The following VCAN variants were observed in gnomAD, a reference collection of about 807,000 sequenced individuals.
VCAN encodes versican.
Under a neutral mutation model 245.5 loss-of-function variants are expected in VCAN, and 44 were observed. The observed-to-expected ratio is 0.18, with a 90% CI of 0.14 to 0.23. The LOEUF (loss-of-function observed/expected upper bound fraction) is 0.23, where lower values mean the gene tolerates loss of function less well. VCAN is among the 10% of genes least tolerant of loss of function. The pLI, the probability that VCAN is intolerant of heterozygous loss-of-function variation, is 1.00. For synonymous variants in VCAN, 1,413 were observed against 1,437.0 expected (o/e 0.98, Z 0.38); for missense variants, 3,793 against 4,057.9 (o/e 0.93, Z 1.77).
chr5:83,553,448 C>G lies in VCAN; in HGVS notation c.9578C>G (p.Ala3193Gly). 1.9e-6 allele frequency: 3 copies of G among 1,614,104 alleles called. No individual in the cohort carries two copies. Among genetic ancestry groups the G allele is most frequent in the Non-Finnish European group, 2.5e-6 (3 of 1,179,980 alleles). ...GCCCATCGACGCACATGGGATGCAG[C>G]TGAACGGGAATGCCGTCTGCAGGGT... ...YFAHRRTWDA[A>G]ERECRLQGAH... The change falls in exon 11 of 15, where the codon GCT (alanine) becomes GGT (glycine). Residue 3193 changes from alanine to glycine, a missense_variant. By Grantham distance (60) the Ala-to-Gly change is moderately conservative (BLOSUM62 0). Transcript: ENST00000265077.
intron 2 of VCAN, among the ~76,000 whole-genome samples, chr5:83,483,889 A>G (rs1251350920): frequency 6.6e-6 from 1 of 152,176 alleles, no homozygotes; most frequent in Non-Finnish European, 1.5e-5. Context: ...TTCTAACACT[A>G]TTTCTCAAAA....
chr5:83,580,571 G>A lies in VCAN; in HGVS notation c.*137G>A. ...CCGTTCAGTCATTTTGGGTTGCCGT[G>A]CTCCCAAAACATTTTAAATGAAAGT... is the stretch of plus-strand genomic sequence containing the variant. On this transcript the variant is annotated 3_prime_UTR_variant, in exon 15 of 15. Coordinates refer to ENST00000265077, the MANE Select transcript of VCAN (RefSeq NM_004385.5). 7.7e-7 allele frequency: 1 copy of A among 1,301,726 alleles called. No individual in the cohort carries two copies. Among genetic ancestry groups the A allele is most frequent in the Non-Finnish European group, 1.1e-6 (1 of 924,874 alleles). 80.6% of individuals were successfully genotyped at this position (1,301,726 alleles called of 1,614,324 possible).
intron 5 of VCAN, 80 bp downstream of exon 5, chr5:83,494,011 G>A (rs1745074596): frequency 6.2e-7 from 1 of 1,605,432 alleles, no homozygotes; most frequent in African/African-American, 1.3e-5. Flanking sequence ...AATAGAGCAA[G>A]TCTTCGTGCT....
At chr5:83,554,103 T>C (rs1747573665) in intron 11 of VCAN, among the ~76,000 whole-genome samples, 1 of 152,240 alleles carries the variant, frequency 6.6e-6, no homozygotes, top group Non-Finnish European at 1.5e-5. Context: ...GTTTAATAAC[T>C]CCTTCAACTG....
intron 9 of VCAN, among the ~76,000 whole-genome samples, chr5:83,547,491 C>A (rs1037102530): frequency 3.3e-5 from 5 of 152,174 alleles, no homozygotes; most frequent in South Asian, 2.1e-4. Context: ...AAAAAGATGA[C>A]ATTTAGCAGA....
chr5:83,521,185 C>A lies in VCAN; in HGVS notation c.2879C>A (p.Thr960Asn), dbSNP rs147544404. ...TTAGCATTTGTTAGTTATAGTAGCACCCAAGAGCCTACTACTTATGTAGAC... is the reference window on the plus strand; with the variant it reads ...TTAGCATTTGTTAGTTATAGTAGCAACCAAGAGCCTACTACTTATGTAGAC... Reference protein sequence around the residue: ...EGLAFVSYSSTQEPTTYVDSS... With the variant: ...EGLAFVSYSSNQEPTTYVDSS... Residue 960 changes from threonine to asparagine, a missense_variant, in exon 7 of 15, where the codon ACC becomes AAC. By Grantham distance (65) the Thr-to-Asn change is moderately conservative. This residue lies in a region of VCAN where 3,182 missense variants were observed against 3,250.3 expected (regional missense o/e 0.98). Transcript: ENST00000265077. The A allele has an allele frequency of 1.3e-5, 21 of 1,613,492 alleles. No individual in the cohort carries two copies. Among genetic ancestry groups the A allele is most frequent in the Non-Finnish European group, 1.6e-5 (19 of 1,179,546 alleles).
At chr5:83,515,350 G>A (rs971880761) in intron 6 of VCAN, among the ~76,000 whole-genome samples, 1 of 152,212 alleles carries the variant, frequency 6.6e-6, no homozygotes, top group African/African-American at 2.4e-5. Context: ...CACAGAATGT[G>A]ATTAATTATC....
intron 6 of VCAN, among the ~76,000 whole-genome samples, chr5:83,514,255 A>G (rs1580621309): frequency 6.7e-6 from 1 of 150,264 alleles, no homozygotes; most frequent in Non-Finnish European, 1.5e-5. Flanking sequence ...CCACCTAAGC[A>G]TGTGGCTAGA....
At chr5:83,532,156 A>T (rs1024959122) in intron 7 of VCAN, among the ~76,000 whole-genome samples, 8 of 151,942 alleles carry the variant, frequency 5.3e-5, no homozygotes, top group Non-Finnish European at 1.0e-4. Context: ...GCACAGGTGT[A>T]CCCCCCAACC....
chr5:83,526,260 A>G (rs1746297253), intron 7 of VCAN, among the ~76,000 whole-genome samples: 1 of 152,190 alleles, frequency 6.6e-6, no homozygotes, highest in South Asian at 2.1e-4. Context: ...TTTAAAAGGT[A>G]ATGTTTATTT....
intron 13 of VCAN, among the ~76,000 whole-genome samples, chr5:83,574,557 G>A (rs1748406530): frequency 6.6e-6 from 1 of 152,086 alleles, no homozygotes; most frequent in Non-Finnish European, 1.5e-5. Context: ...TTATGATTTT[G>A]GGGACTTTAG....
chr5:83,571,312 A>G (rs1580078121), intron 12 of VCAN, among the ~76,000 whole-genome samples: 1 of 152,208 alleles, frequency 6.6e-6, no homozygotes. Flanking sequence ...TGTTTTTTAC[A>G]TAATTATTGT....
chr5:83,580,003 G>C lies in VCAN; in HGVS notation c.9904G>C (p.Val3302Leu). Residue 3302 changes from valine to leucine, a missense_variant, in exon 14 of 15, where the codon GTA becomes CTA. Physicochemically the swap from Val to Leu is conservative, Grantham distance 32 (BLOSUM62 1). Coordinates refer to ENST00000265077, the MANE Select transcript of VCAN (RefSeq NM_004385.5). ...GTVACGQPPV[V>L]ENAKTFGKMK... is the part of the protein sequence containing the mutation. ...AGTCGCTTGCGGCCAGCCCCCTGTT[G>C]TAGAAAATGCCAAGACCTTTGGAAA... The C allele has an allele frequency of 6.2e-7, 1 of 1,614,056 alleles. No individual in the cohort carries two copies. The highest frequency in any genetic ancestry group is 1.7e-5 in the Admixed American group (1 of 60,000).
rs143128206 is a variant in VCAN, at chr5:83,519,369, G to T, written c.1063G>T (p.Asp355Tyr). Residue 355 changes from aspartate (D) to tyrosine (Y), a missense_variant, in exon 7 of 15, where the codon GAT becomes TAT. Asp to Tyr is a radical substitution (Grantham distance 160). Transcript: ENST00000265077. ...CFKPKEATTIDLSILAETASP... is the reference protein window; with the variant it reads ...CFKPKEATTIYLSILAETASP... The stretch of plus-strand genomic sequence containing the variant: ...TCTAGCTAAAGAGGCTACAACCATC[G>T]ATTTGAGTATCCTCGCAGAAACTGC... The T allele has an allele frequency of 1.2e-6, 2 of 1,613,918 alleles. No individual in the cohort carries two copies. The highest frequency in any genetic ancestry group is 1.7e-4 in the Middle Eastern group (1 of 6,060).
Position 83,520,639 on chromosome 5 carries a change from A to C in VCAN, c.2333A>C (p.Lys778Thr). 6.2e-7 allele frequency: 1 copy of C among 1,614,028 alleles called. No homozygotes were observed. The highest frequency in any genetic ancestry group is 2.2e-5 in the East Asian group (1 of 44,874). The change falls in exon 7 of 15, where the codon AAA (lysine) becomes ACA (threonine). Residue 778 changes from lysine to threonine, a missense_variant. Physicochemically the swap from Lys to Thr is moderately conservative, Grantham distance 78. This residue lies in a region of VCAN where 3,182 missense variants were observed against 3,250.3 expected (regional missense o/e 0.98). Transcript: ENST00000265077. ...EDFTATPGTTKYDENITTVLL... is the reference protein window; with the variant it reads ...EDFTATPGTTTYDENITTVLL... ...TTTACAGCAACTCCAGGTACTACAA[A>C]ATATGATGAAAATATTACAACAGTG...
intron 7 of VCAN, among the ~76,000 whole-genome samples, chr5:83,529,437 A>T (rs1378204993): frequency 3.9e-5 from 6 of 151,920 alleles, no homozygotes; most frequent in Non-Finnish European, 8.8e-5. Flanking sequence ...TAGCATTTAC[A>T]TTGTATTAGT....
chr5:83,537,987 A>C lies in VCAN; in HGVS notation c.4984A>C (p.Arg1662=). The C allele has an allele frequency of 6.2e-7, 1 of 1,613,994 alleles. No homozygotes were observed. The highest frequency in any genetic ancestry group is 8.5e-7 in the Non-Finnish European group (1 of 1,179,954). ...CACCATGGTAACTGATTTATCACAGAGAAATACTACTGATACACTCATTAC... is the reference window on the plus strand; with the variant it reads ...CACCATGGTAACTGATTTATCACAGCGAAATACTACTGATACACTCATTAC... The part of the protein sequence containing the change: ...MFTMVTDLSQ[R]NTTDTLITLD... Residue 1662 remains arginine, a synonymous_variant, in exon 8 of 15, where the codon AGA becomes CGA. Transcript: ENST00000265077.
Position 83,539,942 on chromosome 5 carries a change from A to G in VCAN, c.6939A>G (p.Pro2313=). The change falls in exon 8 of 15, where the codon CCA becomes CCG. Residue 2313 remains proline, a synonymous_variant. Transcript: ENST00000265077. ...AAAATGTGGCAAAAGAAGTTGGACC[A>G]CTCGTATCTCAAACAGACATCTTTG... The part of the protein sequence containing the change: ...RMENVAKEVG[P]LVSQTDIFEG... 1 of 1,614,120 alleles carries G rather than the reference A, an allele frequency of 6.2e-7. No individual in the cohort carries two copies. The highest frequency in any genetic ancestry group is 8.5e-7 in the Non-Finnish European group (1 of 1,180,000).
intron 12 of VCAN, among the ~76,000 whole-genome samples, chr5:83,567,581 T>C (rs1186398121): frequency 6.6e-6 from 1 of 152,190 alleles, no homozygotes; most frequent in Non-Finnish European, 1.5e-5. Flanking sequence ...ATAACAGGCA[T>C]GAGACACTGC....
Sources: gnomAD v4.1 joint callset for allele counts (sites outside exome capture counted in the v4.1 genomes callset) on GRCh38, gnomAD v4.1.1 for gene constraint, gnomAD v4.1.1 regional missense constraint, MANE v1.5 for transcripts, NCBI Gene and HGNC (gene_info 2026-07-23, HGNC 2026-07-21) for gene names.